CD226: variants seen among roughly 807,000 people sequenced by gnomAD.
CD226 encodes the protein CD226 molecule, also known as CD226 antigen.
Under a neutral mutation model 34.9 loss-of-function variants are expected in CD226, and 24 were observed. The observed-to-expected ratio is 0.69, with a 90% confidence interval of 0.50 to 0.97. CD226 has a LOEUF of 0.97. Among genes scored for constraint, CD226 ranks in the 50% least tolerant of loss-of-function variants. The probability of loss-of-function intolerance (pLI) is 0.00; values close to 1 mark genes in which losing one functional copy is unlikely to be tolerated. For missense variants in CD226, 397 were observed against 412.7 expected (o/e 0.96, Z 0.33); for synonymous variants, 148 against 147.4 (o/e 1.00, Z -0.03).
intron 3 of CD226, among the ~76,000 whole-genome samples, chr18:69,878,272 G>C (rs1257341584): frequency 7.3e-6 from 1 of 137,802 alleles, no homozygotes; most frequent in African/African-American, 2.7e-5. Flanking sequence ...GAAGTGTCTT[G>C]AACTGTAAAA....
chr18:69,947,325 A>C, intron 1 of CD226, 36 bp downstream of exon 1: 1 of 1,410,746 alleles, frequency 7.1e-7, no homozygotes, highest in Non-Finnish European at 9.8e-7. Flanking sequence ...AAACAGGAGC[A>C]AAACTTTTAA....
At chr18:69,935,715 T>C (rs983589879) in intron 2 of CD226, among the ~76,000 whole-genome samples, 7 of 152,184 alleles carry the variant, frequency 4.6e-5, no homozygotes, top group Admixed American at 3.9e-4. Flanking sequence ...AACTGTGTAG[T>C]TTCCAGCTAT....
intron 2 of CD226, among the ~76,000 whole-genome samples, chr18:69,900,028 C>G (rs1442077134): frequency 6.6e-6 from 1 of 152,154 alleles, no homozygotes; most frequent in Non-Finnish European, 1.5e-5. Context: ...ATGAAATCAA[C>G]CTAAACGTCC....
At chr18:69,941,546 C>T (rs2055724156) in intron 2 of CD226, among the ~76,000 whole-genome samples, 2 of 152,222 alleles carry the variant, frequency 1.3e-5, no homozygotes, top group Admixed American at 1.3e-4. Flanking sequence ...GACTGCCCTA[C>T]AGGATTTCAG....
intron 4 of CD226, among the ~76,000 whole-genome samples, chr18:69,869,132 G>C (rs1983342288): frequency 6.6e-6 from 1 of 152,164 alleles, no homozygotes; most frequent in South Asian, 2.1e-4. Context: ...AATACCATTT[G>C]ACCCAGCAGC....
intron 3 of CD226, among the ~76,000 whole-genome samples, chr18:69,888,144 T>A (rs1447635519): frequency 6.6e-6 from 1 of 152,212 alleles, no homozygotes; most frequent in Non-Finnish European, 1.5e-5. Flanking sequence ...GAATTTCTAT[T>A]AAGAATGAAA....
chr18:69,895,656 G>T, intron 3 of CD226, 45 bp downstream of exon 3: 1 of 1,469,764 alleles, frequency 6.8e-7, no homozygotes, highest in Non-Finnish European at 9.5e-7. Flanking sequence ...CACGGGGCTG[G>T]CTTTTTCCAT....
chr18:69,957,781 G>A (rs1432477270), upstream of CD226, among the ~76,000 whole-genome samples: 2 of 152,084 alleles, frequency 1.3e-5, no homozygotes, highest in Non-Finnish European at 2.9e-5. Context: ...ACTTATTGTG[G>A]GCCAGAGGTA....
intron 1 of CD226, among the ~76,000 whole-genome samples, chr18:69,955,375 T>C (rs753747367): frequency 6.6e-6 from 1 of 152,224 alleles, no homozygotes; most frequent in South Asian, 2.1e-4. Context: ...CTTTCGACAC[T>C]TGCTTGGAAA....
At chr18:69,889,398 C>T (rs747454445) in intron 3 of CD226, among the ~76,000 whole-genome samples, 2 of 151,916 alleles carry the variant, frequency 1.3e-5, no homozygotes, top group African/African-American at 4.8e-5. Flanking sequence ...CCAGTGCACA[C>T]CAGTTCAGAC....
intron 2 of CD226, among the ~76,000 whole-genome samples, chr18:69,904,246 G>A (rs779796190): frequency 3.9e-5 from 6 of 152,232 alleles, no homozygotes; most frequent in Non-Finnish European, 8.8e-5. Flanking sequence ...CAGGCTGCGT[G>A]TCCTGCATGG....
upstream of CD226, among the ~76,000 whole-genome samples, chr18:69,950,004 ACTCT>A (rs57412098): frequency 1.3e-3 from 190 of 151,536 alleles, no homozygotes; most frequent in Middle Eastern, 6.9e-3. Flanking sequence ...TGTTTCTCAC[ACTCT>A]CTCACACACA....
intron 2 of CD226, among the ~76,000 whole-genome samples, chr18:69,919,161 A>C (rs2055420955): frequency 6.6e-6 from 1 of 152,244 alleles, no homozygotes; most frequent in Admixed American, 6.5e-5. Flanking sequence ...TTGAGGCTTC[A>C]AGCACTGCGT....
chr18:69,910,337 G>GTGGA (rs1300124223), intron 2 of CD226, among the ~76,000 whole-genome samples: 1 of 152,184 alleles, frequency 6.6e-6, no homozygotes, highest in Non-Finnish European at 1.5e-5. Context: ...GTGACGCTGC[G>GTGGA]TGGATATGAG....
chr18:69,908,174 A>AG (rs1390446420), intron 2 of CD226, among the ~76,000 whole-genome samples: 3 of 152,208 alleles, frequency 2.0e-5, no homozygotes, highest in Admixed American at 2.0e-4. Context: ...GATATAACAA[A>AG]GTACTGCACT....
intron 2 of CD226, among the ~76,000 whole-genome samples, chr18:69,925,137 T>A (rs2055506169): frequency 6.6e-6 from 1 of 152,178 alleles, no homozygotes; most frequent in Non-Finnish European, 1.5e-5. Context: ...TTGGACAAAA[T>A]GCACTTCCGA....
intron 3 of CD226, among the ~76,000 whole-genome samples, chr18:69,884,478 G>A (rs1245327954): frequency 6.6e-6 from 1 of 152,222 alleles, no homozygotes; most frequent in Non-Finnish European, 1.5e-5. Flanking sequence ...TTCTGTCTCT[G>A]TCTCTTTGAA....
At chr18:69,900,945 A>C (rs2055174601) in intron 2 of CD226, among the ~76,000 whole-genome samples, 1 of 152,208 alleles carries the variant, frequency 6.6e-6, no homozygotes. Context: ...AGTTCTAGGC[A>C]ACAATCCTCA....
chr18:69,937,230 C>T (rs2055665598), intron 2 of CD226, among the ~76,000 whole-genome samples: 1 of 152,106 alleles, frequency 6.6e-6, no homozygotes, highest in African/African-American at 2.4e-5. Context: ...TGTGTTGGTT[C>T]AATTTTAGAG....
Sources: allele counts gnomAD v4.1 joint callset (sites outside exome capture counted in the v4.1 genomes callset), GRCh38; gene constraint gnomAD v4.1.1; transcripts MANE v1.5; gene names NCBI Gene and HGNC (gene_info 2026-07-23, HGNC 2026-07-21).